The following IPMK variants were observed in gnomAD, a reference collection of about 807,000 sequenced individuals.
IPMK encodes the protein inositol 1,3,4,6-tetrakisphosphate 5-kinase.
Under a neutral mutation model 45.8 loss-of-function variants are expected in IPMK, and 17 were observed. That is an observed-to-expected ratio of 0.37 (90% CI 0.25 to 0.56). The LOEUF (loss-of-function observed/expected upper bound fraction) is 0.56, where lower values mean the gene tolerates loss of function less well. Among genes scored for constraint, IPMK ranks in the 20% least tolerant of loss-of-function variants. The pLI is 0.79. For synonymous variants in IPMK, 180 were observed against 184.3 expected, an observed-to-expected ratio of 0.98 and a Z score of 0.19; for missense variants, 399 against 498.0, an observed-to-expected ratio of 0.80 and a Z score of 1.89.
At chr10:58,229,380 T>G (rs1838472144) in intron 2 of IPMK, among the ~76,000 whole-genome samples, 1 of 151,756 alleles carries the variant, frequency 6.6e-6, no homozygotes, top group East Asian at 1.9e-4. Context: ...CTGGCCAACA[T>G]GGCAAAACCC....
chr10:58,223,740 C>A (rs974341651), intron 3 of IPMK, among the ~76,000 whole-genome samples: 3 of 152,168 alleles, frequency 2.0e-5, no homozygotes, highest in African/African-American at 4.8e-5. Flanking sequence ...GAGGGAGGAA[C>A]CTGCTGGAAG....
At chr10:58,245,015 G>C (rs1838774007) in intron 1 of IPMK, among the ~76,000 whole-genome samples, 1 of 144,024 alleles carries the variant, frequency 6.9e-6, no homozygotes, top group Admixed American at 7.0e-5. Context: ...CCCCCTCTCT[G>C]AGAAACACCC....
chr10:58,197,791 C>T (rs534644942), intron 5 of IPMK, among the ~76,000 whole-genome samples: 2 of 152,050 alleles, frequency 1.3e-5, no homozygotes, highest in African/African-American at 4.8e-5. Context: ...CCAGCACTTT[C>T]GGAGGCAGAG....
chr10:58,194,945 T>C lies in IPMK; in HGVS notation c.*1131A>G, dbSNP rs1837870080. The C allele has an allele frequency of 6.6e-6, 1 of 151,920 alleles. No homozygotes were observed. The highest frequency in any genetic ancestry group is 2.4e-5 in the African/African-American group (1 of 41,398). The allele number at this position is 151,920 out of a possible 1,614,324, so 9.4% of individuals were successfully genotyped here. A position where few individuals can be genotyped will look rare whatever the true frequency, so the allele number is the denominator to read the frequency against. On this transcript the variant is annotated 3_prime_UTR_variant, in exon 6 of 6. Transcript: ENST00000373935. The stretch of plus-strand genomic sequence containing the variant: ...TGCCCCTGTCCCCATGAAATTAAGT[T>C]ACAATTTCACTGGTCAACATAATAT...
intron 2 of IPMK, among the ~76,000 whole-genome samples, chr10:58,235,338 A>T (rs1219901339): frequency 6.6e-6 from 1 of 152,250 alleles, no homozygotes; most frequent in Non-Finnish European, 1.5e-5. Context: ...AGGATTATAA[A>T]TCATGCTACT....
chr10:58,199,148 A>C, intron 5 of IPMK, 92 bp downstream of exon 5: 1 of 711,874 alleles, frequency 1.4e-6, no homozygotes, highest in Non-Finnish European at 2.3e-6. Flanking sequence ...ATTATGAATC[A>C]AATCACTTTT....
chr10:58,232,801 G>T (rs568247015), intron 2 of IPMK, among the ~76,000 whole-genome samples: 1 of 152,296 alleles, frequency 6.6e-6, no homozygotes, highest in South Asian at 2.1e-4. Flanking sequence ...ACATTCAAAA[G>T]CTAGCAGAAG....
At chr10:58,244,039 G>A (rs1838746681) in intron 1 of IPMK, among the ~76,000 whole-genome samples, 1 of 151,734 alleles carries the variant, frequency 6.6e-6, no homozygotes, top group Non-Finnish European at 1.5e-5. Context: ...TGGGAAGTGA[G>A]GGGCACCTCT....
intron 4 of IPMK, among the ~76,000 whole-genome samples, chr10:58,207,807 C>A (rs897467944): frequency 1.3e-5 from 2 of 152,160 alleles, no homozygotes; most frequent in Non-Finnish European, 2.9e-5. Context: ...ATGTCTAGAT[C>A]TCTAGCAAGG....
At chr10:58,226,901 TGAAA>T (rs779740732) in intron 3 of IPMK, 138 bp downstream of exon 3, 22 of 562,756 alleles carry the variant, frequency 3.9e-5, no homozygotes, top group African/African-American at 2.7e-4. Context: ...TTTCATTTAG[TGAAA>T]GAAAGATTAG....
At chr10:58,202,315 G>A (rs1838009568) in intron 4 of IPMK, among the ~76,000 whole-genome samples, 1 of 152,092 alleles carries the variant, frequency 6.6e-6, no homozygotes, top group Admixed American at 6.5e-5. Flanking sequence ...CTTATTAGGG[G>A]CAAATGCAGC....
chr10:58,226,355 T>C (rs552917289), intron 3 of IPMK, among the ~76,000 whole-genome samples: 1 of 152,348 alleles, frequency 6.6e-6, no homozygotes, highest in East Asian at 1.9e-4. Context: ...TAGACCTGTA[T>C]AAACAAAATG....
At chr10:58,259,004 G>A (rs1049568202) in intron 1 of IPMK, among the ~76,000 whole-genome samples, 4 of 152,172 alleles carry the variant, frequency 2.6e-5, no homozygotes, top group African/African-American at 9.7e-5. Flanking sequence ...TGAGGAAGAA[G>A]GGAGATGTAA....
chr10:58,228,562 C>T (rs1838456532), intron 2 of IPMK, among the ~76,000 whole-genome samples: 1 of 152,202 alleles, frequency 6.6e-6, no homozygotes, highest in East Asian at 1.9e-4. Context: ...GAGACGGAGT[C>T]TCGCTCTGTC....
At chr10:58,247,498 C>T (rs1838819223) in intron 1 of IPMK, among the ~76,000 whole-genome samples, 1 of 151,716 alleles carries the variant, frequency 6.6e-6, no homozygotes, top group African/African-American at 2.4e-5. Flanking sequence ...AGTTCATGTC[C>T]TTTGTAGGGA....
rs563659295 is a variant in IPMK at position 58,246,976 on chromosome 10, C to T, written c.191-9162G>A. 2.1e-4 allele frequency among the ~76,000 whole-genome samples: 32 copies of T among 150,104 alleles called. No homozygotes were observed. The South Asian group carries it at 6.7e-3, about 32-fold the overall frequency. On this transcript the variant is annotated intron_variant, in intron 1 of 5. Coordinates refer to ENST00000373935, the MANE Select transcript of IPMK (RefSeq NM_152230.5). ...TTTACAAGAAAAAAACAAACAACCC[C>T]ATCAAAAAGTAGGCAAAGGACATGA...
At chr10:58,224,988 A>T (rs148052936) in intron 3 of IPMK, among the ~76,000 whole-genome samples, 1 of 152,322 alleles carries the variant, frequency 6.6e-6, no homozygotes, top group Non-Finnish European at 1.5e-5. Context: ...AACAATCTGC[A>T]TGGTCCAACA....
chr10:58,212,590 C>T (rs1329103784), intron 4 of IPMK: 1 of 234,144 alleles, frequency 4.3e-6, no homozygotes, highest in Non-Finnish European at 9.7e-6. Flanking sequence ...GGATCACTAT[C>T]CTCATGATAG....
At chr10:58,263,115 G>A (rs929117317) in intron 1 of IPMK, among the ~76,000 whole-genome samples, 1 of 152,216 alleles carries the variant, frequency 6.6e-6, no homozygotes, top group African/African-American at 2.4e-5. Context: ...GCCAGGCATG[G>A]TGACTCATTC....
Sources: gnomAD v4.1 joint callset for allele counts (sites outside exome capture counted in the v4.1 genomes callset) on GRCh38, gnomAD v4.1.1 for gene constraint, MANE v1.5 for transcripts, NCBI Gene and HGNC (gene_info 2026-07-23, HGNC 2026-07-21) for gene names.